The following BPIFA1 variants were observed in gnomAD, a reference collection of about 807,000 sequenced individuals.
BPIFA1 encodes the protein BPI fold-containing family A member 1.
BPIFA1 carries 24 observed loss-of-function variants against 25.1 expected under a neutral mutation model. That is an observed-to-expected ratio of 0.96 (90% CI 0.69 to 1.35). The LOEUF (loss-of-function observed/expected upper bound fraction) is 1.35. BPIFA1 is among the 40% of genes most tolerant of loss of function. The pLI is 0.00. For synonymous variants in BPIFA1, 139 were observed against 131.8 expected (o/e 1.05, Z -0.37); for missense variants, 344 against 303.7 (o/e 1.13, Z -0.99).
chr20:33,239,798 G>T lies in BPIFA1; in HGVS notation c.321-5G>T. The stretch of plus-strand genomic sequence containing the variant: ...TTTCCCCCTCCAATATTACTCCCTG[G>T]ACAGCATAAAGGTCACTGACCCCCA... On this transcript the variant is annotated splice_region_variant and splice_polypyrimidine_tract_variant and intron_variant, in intron 3 of 8. Coordinates refer to ENST00000354297, the MANE Select transcript of BPIFA1 (RefSeq NM_130852.3). 1 of 1,612,924 alleles carries T rather than the reference G, an allele frequency of 6.2e-7. No homozygotes were observed. The highest frequency in any genetic ancestry group is 1.7e-5 in the Admixed American group (1 of 60,024).
rs1162377331 is a variant in BPIFA1, at chr20:33,242,675, G to A, written c.*34+114G>A. The A allele has an allele frequency of 1.6e-5, 12 of 770,744 alleles. No homozygotes were observed. In the Admixed American group the frequency reaches 2.5e-4, roughly 16 times the overall value. The allele number at this position is 770,744 out of a possible 1,614,324, so 47.7% of individuals were successfully genotyped here. A position where few individuals can be genotyped will look rare whatever the true frequency, so the allele number is the denominator to read the frequency against. On this transcript the variant is annotated intron_variant, in intron 8 of 8. Transcript: ENST00000354297. ...CCAAAGAAAGAGACAAACATCTACA[G>A]AGGTACACACAGGGATGCACAGAGA...
At chr20:33,241,635 T>C (rs1978983811) in intron 6 of BPIFA1, among the ~76,000 whole-genome samples, 166 bp downstream of exon 6, 1 of 152,232 alleles carries the variant, frequency 6.6e-6, no homozygotes, top group South Asian at 2.1e-4. Flanking sequence ...TCTTTACATC[T>C]TTCCAAATGC....
chr20:33,242,143 C>T, intron 7 of BPIFA1, 24 bp downstream of exon 7: 1 of 1,610,622 alleles, frequency 6.2e-7, no homozygotes, highest in Non-Finnish European at 8.5e-7. Flanking sequence ...TTCAAGCCCT[C>T]TGTCCCTCTC....
Position 33,239,890 on chromosome 20 carries a change from C to T in BPIFA1, c.408C>T (p.Gly136=). The T allele has an allele frequency of 6.2e-7, 1 of 1,614,030 alleles. No homozygotes were observed. Among genetic ancestry groups the T allele is most frequent in the Non-Finnish European group, 8.5e-7 (1 of 1,179,872 alleles). ...GHRLYVTIPL[G]IKLQVNTPLV... is the part of the protein sequence containing the mutation. ...GTCTCTATGTCACCATCCCTCTCGG[C>T]ATAAAGCTCCAAGTGAATACGTGAG... The change falls in exon 4 of 9, where the codon GGC becomes GGT. Residue 136 remains glycine (G), a synonymous_variant. Transcript: ENST00000354297.
chr20:33,242,588 G>A (rs892300828), intron 8 of BPIFA1, 27 bp downstream of exon 8: 89 of 1,551,192 alleles, frequency 5.7e-5, no homozygotes, highest in Non-Finnish European at 6.8e-5. Context: ...ACACCCCAGG[G>A]TTTTGGGGGC....
Position 33,241,366 on chromosome 20 carries a change from C to T in BPIFA1, c.582-19C>T. ...ACCATCTCCAGGTCCCTGCATCACC[C>T]ATGACTTTTCTCTTTCAGACTTGGC... On this transcript the variant is annotated intron_variant, in intron 5 of 8. Coordinates refer to ENST00000354297, the MANE Select transcript of BPIFA1 (RefSeq NM_130852.3). 6.2e-7 allele frequency: 1 copy of T among 1,600,740 alleles called. No individual in the cohort carries two copies.
At chr20:33,240,634 G>A (rs929230144) in intron 5 of BPIFA1, among the ~76,000 whole-genome samples, 7 of 132,740 alleles carry the variant, frequency 5.3e-5, no homozygotes, top group South Asian at 2.6e-4. Context: ...ATAGATGGAT[G>A]GATAGATAGA....
At chr20:33,242,379 A>T (rs768596583) in intron 7 of BPIFA1, 108 bp from the exon 8 acceptor site, 2 of 1,343,220 alleles carry the variant, frequency 1.5e-6, no homozygotes, top group Non-Finnish European at 2.1e-6. Context: ...ACACAGTCGG[A>T]TCTCCAGAGG....
rs1353176942 is a variant in BPIFA1 at position 33,239,923 on chromosome 20, C to G, written c.428+13C>G. ...TCCAAGTGAATACGTGAGTGGGTCC[C>G]AAGAGGGGGTGAGAGGATGGCTCAC... is the stretch of plus-strand genomic sequence containing the variant. On this transcript the variant is annotated intron_variant, in intron 4 of 8. Coordinates refer to ENST00000354297, the MANE Select transcript of BPIFA1 (RefSeq NM_130852.3). 1 of 1,607,500 alleles carries G rather than the reference C, an allele frequency of 6.2e-7. No individual in the cohort carries two copies.
At chr20:33,242,365 C>A in intron 7 of BPIFA1, 122 bp from the exon 8 acceptor site, 2 of 1,257,708 alleles carry the variant, frequency 1.6e-6, no homozygotes, top group Non-Finnish European at 2.3e-6. Flanking sequence ...TCCAAGCATG[C>A]TGAACACAGT....
At position 33,242,566 on chromosome 20, in the gene BPIFA1, G is replaced by A; in HGVS notation, c.*34+5G>A. ...GGGCTGGCCTCTGCTGAGCTGGTAAGTGCCCTTCCCCACACCCCAGGGTTT... is the reference window on the plus strand; with the variant it reads ...GGGCTGGCCTCTGCTGAGCTGGTAAATGCCCTTCCCCACACCCCAGGGTTT... On this transcript the variant is annotated splice_donor_5th_base_variant and intron_variant, in intron 8 of 8. Transcript: ENST00000354297. 1.2e-6 allele frequency: 2 copies of A among 1,606,566 alleles called. No homozygotes were observed. The highest frequency in any genetic ancestry group is 1.1e-5 in the South Asian group (1 of 90,934).
intron 3 of BPIFA1, among the ~76,000 whole-genome samples, chr20:33,239,014 A>G (rs368718026): frequency 6.6e-6 from 1 of 152,212 alleles, no homozygotes; most frequent in African/African-American, 2.4e-5. Flanking sequence ...TATAGATTAT[A>G]GAACCCACAG....
At chr20:33,236,362 A>AT (rs1326135865) in intron 1 of BPIFA1, among the ~76,000 whole-genome samples, 26 of 152,188 alleles carry the variant, frequency 1.7e-4, no homozygotes, top group African/African-American at 6.3e-4. Context: ...AATTTTATAC[A>AT]TTTTGATGCA....
chr20:33,238,458 AC>A (rs1340164208), intron 3 of BPIFA1, among the ~76,000 whole-genome samples: 1 of 152,170 alleles, frequency 6.6e-6, no homozygotes. Flanking sequence ...AATCCTCACC[AC>A]AACCCTTTGA....
Position 33,242,101 on chromosome 20 carries a change from CTGGTGCA to C in BPIFA1, c.715_721del (p.Val239ThrfsTer6). On this transcript the variant is annotated frameshift_variant, in exon 7 of 9. Transcript: ENST00000354297. LOFTEE classifies it high-confidence loss of function. Reference sequence around the variant, plus strand: ...GGTTCTCAGAGGCTTGGACATCACCCTGGTGCATGACATTGTTAGTAAGTACCTGCTT... The same window carrying C: ...GGTTCTCAGAGGCTTGGACATCACCCTGACATTGTTAGTAAGTACCTGCTT... 6.2e-7 allele frequency: 1 copy of C among 1,614,132 alleles called. No homozygotes were observed. Among genetic ancestry groups the C allele is most frequent in the Non-Finnish European group, 8.5e-7 (1 of 1,179,980 alleles).
intron 3 of BPIFA1, among the ~76,000 whole-genome samples, chr20:33,238,780 G>T (rs1411670060): frequency 6.6e-6 from 1 of 152,158 alleles, no homozygotes; most frequent in African/African-American, 2.4e-5. Context: ...CCAAGAGCTC[G>T]CAAAGCAAAA....
At chr20:33,241,945 A>T in intron 6 of BPIFA1, 111 bp from the exon 7 acceptor site, 1 of 955,610 alleles carries the variant, frequency 1.0e-6, no homozygotes, top group Non-Finnish European at 1.7e-6. Context: ...GATTGCTTAG[A>T]ATCACTTTCA....
At chr20:33,238,780 G>A (rs1411670060) in intron 3 of BPIFA1, among the ~76,000 whole-genome samples, 3 of 152,158 alleles carry the variant, frequency 2.0e-5, no homozygotes, top group African/African-American at 2.4e-5. Flanking sequence ...CCAAGAGCTC[G>A]CAAAGCAAAA....
intron 5 of BPIFA1, 111 bp downstream of exon 5, chr20:33,240,496 G>A: frequency 7.3e-7 from 1 of 1,375,622 alleles, no homozygotes; most frequent in Non-Finnish European, 9.9e-7. Flanking sequence ...GGCTGAAAGG[G>A]TGGGAAAATG....
Sources: gnomAD v4.1 joint callset for allele counts (sites outside exome capture counted in the v4.1 genomes callset) on GRCh38, gnomAD v4.1.1 for gene constraint, MANE v1.5 for transcripts, NCBI Gene and HGNC (gene_info 2026-07-23, HGNC 2026-07-21) for gene names.